SLC25A21: variants seen among roughly 807,000 people sequenced by gnomAD.
SLC25A21 encodes solute carrier family 25 member 21.
A neutral mutation model predicts 43.8 loss-of-function variants in SLC25A21; 47 were observed. The ratio of observed to expected loss-of-function variants is 1.07; its 90% CI spans 0.85 to 1.37. SLC25A21 has a LOEUF of 1.37. SLC25A21 is among the 40% of genes most tolerant of loss of function. The pLI, the probability that SLC25A21 is intolerant of heterozygous loss-of-function variation, is 0.00. For synonymous variants in SLC25A21, 131 were observed against 121.3 expected, an observed-to-expected ratio of 1.08 and a Z score of -0.52; for missense variants, 352 against 350.2, an observed-to-expected ratio of 1.00 and a Z score of -0.04.
chr14:37,053,445 G>C (rs1323267855), intron 1 of SLC25A21, among the ~76,000 whole-genome samples: 1 of 152,118 alleles, frequency 6.6e-6, no homozygotes, highest in African/African-American at 2.4e-5. Flanking sequence ...AGAGTTAAAA[G>C]GGCAGGTTAA....
chr14:36,744,219 T>C (rs1458516696), intron 3 of SLC25A21, among the ~76,000 whole-genome samples: 3 of 152,016 alleles, frequency 2.0e-5, no homozygotes, highest in Non-Finnish European at 4.4e-5. Flanking sequence ...AAAAAGAGCC[T>C]AAATAGCCAA....
chr14:37,062,163 T>C (rs1961961057), intron 1 of SLC25A21, among the ~76,000 whole-genome samples: 1 of 152,230 alleles, frequency 6.6e-6, no homozygotes, highest in Non-Finnish European at 1.5e-5. Context: ...GATTCTTTCA[T>C]TTTAACTACA....
chr14:36,954,389 G>C (rs1408475398), intron 1 of SLC25A21, among the ~76,000 whole-genome samples: 1 of 151,982 alleles, frequency 6.6e-6, no homozygotes, highest in African/African-American at 2.4e-5. Context: ...TAACTACAGA[G>C]GAAGGCCTGA....
At chr14:37,086,893 A>G (rs557182247) in intron 1 of SLC25A21, among the ~76,000 whole-genome samples, 1 of 152,356 alleles carries the variant, frequency 6.6e-6, no homozygotes, top group Admixed American at 6.5e-5. Flanking sequence ...ATACATTTTA[A>G]TGTAAAATTA....
intron 3 of SLC25A21, among the ~76,000 whole-genome samples, chr14:36,812,978 C>T (rs1888324987): frequency 1.3e-5 from 2 of 152,254 alleles, no homozygotes; most frequent in South Asian, 4.1e-4. Flanking sequence ...ATTACTGTTA[C>T]ATTTTTGAAA....
At chr14:37,066,752 A>G (rs1452611687) in intron 1 of SLC25A21, among the ~76,000 whole-genome samples, 3 of 152,192 alleles carry the variant, frequency 2.0e-5, no homozygotes, top group East Asian at 3.8e-4. Flanking sequence ...AATTATATAC[A>G]CATGGAGAGA....
At chr14:36,768,186 G>A (rs1035592194) in intron 3 of SLC25A21, among the ~76,000 whole-genome samples, 7 of 152,190 alleles carry the variant, frequency 4.6e-5, no homozygotes, top group Admixed American at 2.0e-4. Context: ...AATAGCAGAG[G>A]AGAGGCCCAG....
intron 1 of SLC25A21, among the ~76,000 whole-genome samples, chr14:36,940,225 G>C (rs1048627200): frequency 6.6e-6 from 1 of 152,002 alleles, no homozygotes; most frequent in Non-Finnish European, 1.5e-5. Context: ...CTAGTTTGGA[G>C]TTGAAAAGGA....
Position 36,772,906 on chromosome 14 carries a change from A to G in SLC25A21, c.204-38333T>C, listed in dbSNP as rs557239279. Among the ~76,000 whole-genome samples, 7 of 152,294 alleles carry G rather than the reference A, an allele frequency of 4.6e-5. No individual in the cohort carries two copies. In the South Asian group the frequency reaches 1.2e-3, roughly 27 times the overall value. On this transcript the variant is annotated intron_variant, in intron 3 of 9. Coordinates refer to ENST00000331299, the MANE Select transcript of SLC25A21 (RefSeq NM_030631.4). ...CTAAGCACAGTAAAATAAAAGCATA[A>G]TATGTTTTTAAAAATGAACATACCG...
At chr14:37,057,512 C>T (rs1462651272) in intron 1 of SLC25A21, among the ~76,000 whole-genome samples, 1 of 152,124 alleles carries the variant, frequency 6.6e-6, no homozygotes, top group East Asian at 1.9e-4. Context: ...ATCTGAAAAT[C>T]GTGTGAAATT....
intron 1 of SLC25A21, among the ~76,000 whole-genome samples, chr14:36,899,521 T>C (rs1389105936): frequency 2.0e-5 from 3 of 152,178 alleles, no homozygotes; most frequent in Non-Finnish European, 4.4e-5. Flanking sequence ...GGTAGCATCA[T>C]GAAGTGTGCA....
chr14:36,712,806 G>A (rs1049652864), intron 6 of SLC25A21, among the ~76,000 whole-genome samples: 1 of 152,124 alleles, frequency 6.6e-6, no homozygotes, highest in African/African-American at 2.4e-5. Context: ...ATTTTCTGAA[G>A]GTTAAAGTTT....
chr14:37,092,118 C>A (rs961560133), intron 1 of SLC25A21, among the ~76,000 whole-genome samples: 2 of 152,194 alleles, frequency 1.3e-5, no homozygotes, highest in South Asian at 4.2e-4. Context: ...CAGAACAAGA[C>A]CCTGTCTCTC....
At chr14:37,161,027 G>T (rs1180996153) in intron 1 of SLC25A21, among the ~76,000 whole-genome samples, 1 of 149,398 alleles carries the variant, frequency 6.7e-6, no homozygotes, top group Non-Finnish European at 1.5e-5. Flanking sequence ...GGGAGGAGAA[G>T]AAATAAATTC....
chr14:36,744,815 C>T (rs1885423551), intron 3 of SLC25A21, among the ~76,000 whole-genome samples: 2 of 151,918 alleles, frequency 1.3e-5, no homozygotes, highest in South Asian at 4.2e-4. Flanking sequence ...AAGAAAAAAA[C>T]ATATAACCTC....
chr14:36,973,471 G>A (rs538756432), intron 1 of SLC25A21, among the ~76,000 whole-genome samples: 1 of 152,330 alleles, frequency 6.6e-6, no homozygotes, highest in South Asian at 2.1e-4. Flanking sequence ...CAGCTAGGAT[G>A]ACTGTCTGCT....
chr14:37,087,132 A>G (rs1423893202), intron 1 of SLC25A21, among the ~76,000 whole-genome samples: 1 of 152,176 alleles, frequency 6.6e-6, no homozygotes, highest in Non-Finnish European at 1.5e-5. Flanking sequence ...CAGTTTTTTA[A>G]TGGCCCTTTT....
At chr14:36,941,884 A>T (rs1050718156) in intron 1 of SLC25A21, among the ~76,000 whole-genome samples, 1 of 152,034 alleles carries the variant, frequency 6.6e-6, no homozygotes, top group African/African-American at 2.4e-5. Flanking sequence ...GTTTAAATAA[A>T]TTTTTTTTAA....
At chr14:36,735,294 A>G (rs553116559) in intron 3 of SLC25A21, among the ~76,000 whole-genome samples, 2 of 152,386 alleles carry the variant, frequency 1.3e-5, no homozygotes, top group South Asian at 4.1e-4. Context: ...ACATATGGTT[A>G]GATTTATAAC....
Sources: gnomAD v4.1 joint callset for allele counts (sites outside exome capture counted in the v4.1 genomes callset) on GRCh38, gnomAD v4.1.1 for gene constraint, MANE v1.5 for transcripts, NCBI Gene and HGNC (gene_info 2026-07-23, HGNC 2026-07-21) for gene names.